ATP6V1B2: variants seen among roughly 807,000 people sequenced by gnomAD.
ATP6V1B2 encodes the protein V-type proton ATPase subunit B, brain isoform.
A neutral mutation model predicts 66.7 loss-of-function variants in ATP6V1B2; 23 were observed. That is an observed-to-expected ratio of 0.34 (90% CI 0.25 to 0.49). ATP6V1B2 has a LOEUF of 0.49. Ranked by LOEUF, ATP6V1B2 falls within the 20% of genes least tolerant of loss-of-function variation. ATP6V1B2 has a pLI of 0.99. For missense variants in ATP6V1B2, 478 were observed against 650.8 expected (o/e 0.73, Z 2.89); for synonymous variants, 278 against 236.7 (o/e 1.17, Z -1.60).
intron 9 of ATP6V1B2, chr8:20,213,246 G>T: frequency 7.6e-6 from 2 of 262,854 alleles, no homozygotes; most frequent in Admixed American, 5.5e-5. Context: ...AAACCTTTTT[G>T]TAATTCCATT....
intron 7 of ATP6V1B2, 23 bp downstream of exon 7, chr8:20,211,776 T>C: frequency 1.3e-6 from 2 of 1,559,100 alleles, no homozygotes; most frequent in Admixed American, 1.8e-5. Flanking sequence ...TTTGTTTTAG[T>C]ATGATATGTA....
intron 1 of ATP6V1B2, among the ~76,000 whole-genome samples, chr8:20,200,868 G>A (rs576129857): frequency 6.6e-6 from 1 of 152,310 alleles, no homozygotes; most frequent in African/African-American, 2.4e-5. Context: ...TCTTGTACAA[G>A]GGAAGATGAT....
At chr8:20,202,390 CTCTG>C (rs2072696706) in intron 1 of ATP6V1B2, among the ~76,000 whole-genome samples, 1 of 152,152 alleles carries the variant, frequency 6.6e-6, no homozygotes, top group Admixed American at 6.5e-5. Flanking sequence ...TGATAGCTAA[CTCTG>C]TCTGTTATGG....
chr8:20,197,614 T>G, intron 1 of ATP6V1B2, 72 bp downstream of exon 1: 1 of 1,296,024 alleles, frequency 7.7e-7, no homozygotes, highest in Non-Finnish European at 9.9e-7. Flanking sequence ...GTCACCTGCT[T>G]AGCCAGCGGG....
In ATP6V1B2 at chr8:20,221,486, T is replaced by G. The variant is rs2072906539; in HGVS notation, c.*1084T>G. Reference sequence around the variant, plus strand: ...AGCGATCTTCTATGCAGTTCTGCCATGCGTCCTGTTGGTCTCTCTGTGTTC... The same window carrying G: ...AGCGATCTTCTATGCAGTTCTGCCAGGCGTCCTGTTGGTCTCTCTGTGTTC... On this transcript the variant is annotated 3_prime_UTR_variant, in exon 14 of 14. Coordinates refer to ENST00000276390, the MANE Select transcript of ATP6V1B2 (RefSeq NM_001693.4). 1 of 152,674 alleles carries G rather than the reference T, an allele frequency of 6.5e-6. No individual in the cohort carries two copies. Among genetic ancestry groups the G allele is most frequent in the African/African-American group, 2.4e-5 (1 of 41,464 alleles). 9.5% of individuals were successfully genotyped at this position (152,674 alleles called of 1,614,324 possible). A position where few individuals can be genotyped will look rare whatever the true frequency, so the allele number is the denominator to read the frequency against.
In ATP6V1B2 at chr8:20,197,471, G is replaced by T. The variant is rs1165410789; in HGVS notation, c.65G>T (p.Gly22Val). Residue 22 changes from glycine (G) to valine (V), a missense_variant, in exon 1 of 14, where the codon GGT becomes GTT. Physicochemically the swap from Gly to Val is moderately radical, Grantham distance 109. Transcript: ENST00000276390. ...GAAPELPVPT[G>V]GPAVGAREQA... is the part of the protein sequence containing the mutation. Reference sequence around the variant, plus strand: ...GCACCCGAGCTACCCGTGCCCACCGGTGGGCCGGCGGTGGGAGCTCGGGAG... The same window carrying T: ...GCACCCGAGCTACCCGTGCCCACCGTTGGGCCGGCGGTGGGAGCTCGGGAG... 3 of 1,523,440 alleles carry T rather than the reference G, an allele frequency of 2.0e-6. No individual in the cohort carries two copies. Among genetic ancestry groups the T allele is most frequent in the Non-Finnish European group, 2.6e-6 (3 of 1,137,052 alleles). The allele number at this position is 1,523,440 out of a possible 1,614,324, so 94.4% of individuals were successfully genotyped here.
At chr8:20,201,432 A>G (rs1307204970) in intron 1 of ATP6V1B2, among the ~76,000 whole-genome samples, 1 of 152,170 alleles carries the variant, frequency 6.6e-6, no homozygotes. Context: ...GATAAAAGGT[A>G]GTGTTTGTTA....
chr8:20,210,225 A>G (rs2072779415), intron 3 of ATP6V1B2, 121 bp from the exon 4 acceptor site: 1 of 770,268 alleles, frequency 1.3e-6, no homozygotes, highest in South Asian at 1.9e-5. Flanking sequence ...TGCTCATTAT[A>G]TCAAAAGTAG....
chr8:20,220,282 T>G lies in ATP6V1B2; in HGVS notation c.1416T>G (p.Thr472=), dbSNP rs1376408386. ...TTTAAGGTCCTTACGAAAATCGCAC[T>G]GTCTTTGAGACTTTGGACATTGGCT... ...FIAQGPYENR[T]VFETLDIGWQ... The change falls in exon 14 of 14, where the codon ACT becomes ACG. Residue 472 remains threonine (T), a synonymous_variant. Coordinates refer to ENST00000276390, the MANE Select transcript of ATP6V1B2 (RefSeq NM_001693.4). The G allele has an allele frequency of 6.3e-6, 10 of 1,597,076 alleles. No individual in the cohort carries two copies. The highest frequency in any genetic ancestry group is 8.5e-6 in the Non-Finnish European group (10 of 1,175,724).
intron 1 of ATP6V1B2, chr8:20,203,893 C>G (rs77307407): frequency 4.6e-6 from 2 of 434,910 alleles, no homozygotes; most frequent in African/African-American, 2.1e-5. Flanking sequence ...TTGCCTACTC[C>G]GTCCTTCAGA....
intron 8 of ATP6V1B2, among the ~76,000 whole-genome samples, 176 bp downstream of exon 8, chr8:20,212,375 G>A (rs1301559639): frequency 6.6e-6 from 1 of 152,164 alleles, no homozygotes; most frequent in Non-Finnish European, 1.5e-5. Flanking sequence ...AATTACTTAG[G>A]TTCTGAAGCT....
At chr8:20,198,804 A>T (rs538100424) in intron 1 of ATP6V1B2, among the ~76,000 whole-genome samples, 1 of 152,332 alleles carries the variant, frequency 6.6e-6, no homozygotes, top group Admixed American at 6.5e-5. Context: ...GATTGCTGAG[A>T]TGTGCCTTTT....
chr8:20,205,543 C>T (rs1393504591), intron 2 of ATP6V1B2, among the ~76,000 whole-genome samples: 3 of 152,132 alleles, frequency 2.0e-5, no homozygotes, highest in Non-Finnish European at 4.4e-5. Flanking sequence ...TTGAATGTTA[C>T]ATTGGGTTGT....
intron 1 of ATP6V1B2, among the ~76,000 whole-genome samples, chr8:20,201,926 T>C (rs563237372): frequency 1.3e-5 from 2 of 152,252 alleles, no homozygotes; most frequent in South Asian, 2.1e-4. Context: ...GGGCTGAGAA[T>C]GCAGGGGCAC....
rs1396184731 is a variant in ATP6V1B2 at position 20,212,941 on chromosome 8, AT to A, written c.927+38del. 3 of 1,611,338 alleles carry A rather than the reference AT, an allele frequency of 1.9e-6. No individual in the cohort carries two copies. In the African/African-American group the frequency reaches 4.0e-5, roughly 22 times the overall value. On this transcript the variant is annotated intron_variant, in intron 9 of 13. Transcript: ENST00000276390. ...CATGTTTTTCCCTCAGTTAAACAAA[AT>A]TGGTTAATTTTCAGGGTTAACTTGT...
chr8:20,197,387 G>C lies in ATP6V1B2; in HGVS notation c.-20G>C. The C allele has an allele frequency of 2.7e-6, 4 of 1,504,094 alleles. No individual in the cohort carries two copies. Among genetic ancestry groups the C allele is most frequent in the Non-Finnish European group, 2.7e-6 (3 of 1,125,856 alleles). 93.2% of individuals were successfully genotyped at this position (1,504,094 alleles called of 1,614,324 possible). On this transcript the variant is annotated 5_prime_UTR_variant, in exon 1 of 14. Coordinates refer to ENST00000276390, the MANE Select transcript of ATP6V1B2 (RefSeq NM_001693.4). ...CGTGCGCGGCGTCGCTGCTGGGCCAGTCGGGACAGAGGAGACAAGATGGCG... is the reference window on the plus strand; with the variant it reads ...CGTGCGCGGCGTCGCTGCTGGGCCACTCGGGACAGAGGAGACAAGATGGCG...
Position 20,207,560 on chromosome 8 carries a change from TAAAGTA to T in ATP6V1B2, c.193-1872_193-1867del, listed in dbSNP as rs1412255264. On this transcript the variant is annotated intron_variant, in intron 2 of 13. Transcript: ENST00000276390. ...CATTGTGCGCATGTACCCTAAAACT[TAAAGTA>T]TAATAATAATAAAATAAAATAAAAA... is the stretch of plus-strand genomic sequence containing the variant. Among the ~76,000 whole-genome samples, 5 of 151,988 alleles carry T rather than the reference TAAAGTA, an allele frequency of 3.3e-5. No homozygotes were observed. The East Asian group carries it at 9.7e-4, about 29-fold the overall frequency.
rs558999717 is a variant in ATP6V1B2 at position 20,197,399 on chromosome 8, G to A, written c.-8G>A. 24 of 1,533,498 alleles carry A rather than the reference G, an allele frequency of 1.6e-5. No individual in the cohort carries two copies. In the South Asian group the frequency reaches 2.2e-4, roughly 14 times the overall value. The allele number at this position is 1,533,498 out of a possible 1,614,324, so 95.0% of individuals were successfully genotyped here. A position where few individuals can be genotyped will look rare whatever the true frequency, so the allele number is the denominator to read the frequency against. On this transcript the variant is annotated 5_prime_UTR_variant, in exon 1 of 14. Coordinates refer to ENST00000276390, the MANE Select transcript of ATP6V1B2 (RefSeq NM_001693.4). ...CGCTGCTGGGCCAGTCGGGACAGAG[G>A]AGACAAGATGGCGCTGCGGGCGATG...
At chr8:20,197,626 A>AG in intron 1 of ATP6V1B2, 84 bp downstream of exon 1, 4 of 1,279,602 alleles carry the variant, frequency 3.1e-6, no homozygotes, top group Non-Finnish European at 4.0e-6. Context: ...GCCAGCGGGT[A>AG]GGGGGTAGGA....
Sources: allele counts gnomAD v4.1 joint callset (sites outside exome capture counted in the v4.1 genomes callset), GRCh38; gene constraint gnomAD v4.1.1; transcripts MANE v1.5; gene names NCBI Gene and HGNC (gene_info 2026-07-23, HGNC 2026-07-21).